SLC25A21: variants seen among roughly 807,000 people sequenced by gnomAD.
The protein encoded by SLC25A21 is mitochondrial 2-oxodicarboxylate carrier.
SLC25A21 carries 47 observed loss-of-function variants against 43.8 expected under a neutral mutation model. The observed-to-expected ratio is 1.07, with a 90% CI of 0.85 to 1.37. The LOEUF is 1.37. Among genes scored for constraint, SLC25A21 ranks in the 40% most tolerant of loss-of-function variants. SLC25A21 has a pLI of 0.00. For synonymous variants in SLC25A21, 131 were observed against 121.3 expected (o/e 1.08, Z -0.52); for missense variants, 352 against 350.2 (o/e 1.00, Z -0.04).
At chr14:37,134,877 G>C (rs1045064939) in intron 1 of SLC25A21, among the ~76,000 whole-genome samples, 6 of 151,452 alleles carry the variant, frequency 4.0e-5, no homozygotes, top group African/African-American at 1.5e-4. Flanking sequence ...AGGATCACTT[G>C]AGTCCAGGAG....
intron 1 of SLC25A21, among the ~76,000 whole-genome samples, chr14:36,915,058 T>C (rs1021560276): frequency 6.6e-6 from 1 of 152,100 alleles, no homozygotes; most frequent in African/African-American, 2.4e-5. Context: ...ATCACAATGA[T>C]GCAAGCTAAC....
At chr14:36,936,687 G>T (rs189383491) in intron 1 of SLC25A21, among the ~76,000 whole-genome samples, 284 of 152,178 alleles carry the variant, frequency 1.9e-3, no homozygotes, top group Non-Finnish European at 2.6e-3. Context: ...TGCCAAGAAC[G>T]GTAATATAAG....
intron 1 of SLC25A21, among the ~76,000 whole-genome samples, chr14:36,921,718 A>C (rs1891985705): frequency 6.6e-6 from 1 of 152,178 alleles, no homozygotes; most frequent in Admixed American, 6.6e-5. Context: ...CAGGCTTCCA[A>C]GGTGCTGATT....
At chr14:37,062,385 T>C (rs1470317708) in intron 1 of SLC25A21, among the ~76,000 whole-genome samples, 2 of 152,162 alleles carry the variant, frequency 1.3e-5, no homozygotes, top group African/African-American at 4.8e-5. Flanking sequence ...GAGATTGTAA[T>C]TCTAGCTGTG....
intron 2 of SLC25A21, among the ~76,000 whole-genome samples, chr14:36,847,095 CT>C (rs1358203522): frequency 6.6e-6 from 1 of 152,128 alleles, no homozygotes; most frequent in Non-Finnish European, 1.5e-5. Flanking sequence ...CTGTTGGGGT[CT>C]TTTGTAACAT....
At chr14:36,700,385 T>A (rs1883226627) in intron 7 of SLC25A21, among the ~76,000 whole-genome samples, 1 of 152,194 alleles carries the variant, frequency 6.6e-6, no homozygotes. Flanking sequence ...GTATTCTGTT[T>A]AGATCTGACA....
At position 36,702,728 on chromosome 14, in the gene SLC25A21, C is replaced by T. The variant is rs373602559; in HGVS notation, c.603+8590G>A. ...AAGAGAGGAGCAATGCTGATGCTTC[C>T]TAAGAGGGTGCCCAACATACAGTAG... On this transcript the variant is annotated intron_variant, in intron 7 of 9. Transcript: ENST00000331299. 6.6e-5 allele frequency among the ~76,000 whole-genome samples: 10 copies of T among 152,234 alleles called. No homozygotes were observed. The South Asian group carries it at 1.5e-3, about 22-fold the overall frequency.
At chr14:37,080,551 G>A (rs2093087) in intron 1 of SLC25A21, among the ~76,000 whole-genome samples, 6,638 of 152,280 alleles carry the variant, frequency 0.044, 479 homozygotes, top group African/African-American at 0.15. Flanking sequence ...AGTGAGCCAT[G>A]ATCGTGCCAC....
intron 1 of SLC25A21, among the ~76,000 whole-genome samples, chr14:36,970,423 C>A (rs1319639066): frequency 6.6e-6 from 1 of 152,050 alleles, no homozygotes; most frequent in Non-Finnish European, 1.5e-5. Context: ...CATGTATACA[C>A]CTTTAGGCCA....
chr14:37,001,387 G>C (rs1439550548), intron 1 of SLC25A21, among the ~76,000 whole-genome samples: 1 of 152,142 alleles, frequency 6.6e-6, no homozygotes, highest in Non-Finnish European at 1.5e-5. Context: ...GCCCAGAGAA[G>C]TTAAATAGTT....
intron 1 of SLC25A21, among the ~76,000 whole-genome samples, chr14:37,154,342 C>G (rs184561563): frequency 6.6e-6 from 1 of 152,150 alleles, no homozygotes. Context: ...CCCTACCTAA[C>G]AAACACTAAA....
intron 1 of SLC25A21, among the ~76,000 whole-genome samples, chr14:36,902,407 C>T (rs1306122982): frequency 6.6e-6 from 1 of 151,528 alleles, no homozygotes; most frequent in African/African-American, 2.4e-5. Flanking sequence ...CTCAACTGTG[C>T]CATTCTCTAA....
chr14:36,848,452 C>G (rs1267456210), intron 2 of SLC25A21, among the ~76,000 whole-genome samples: 1 of 152,132 alleles, frequency 6.6e-6, no homozygotes, highest in African/African-American at 2.4e-5. Flanking sequence ...CTCAGCTGTC[C>G]AACAGCTGTC....
intron 1 of SLC25A21, among the ~76,000 whole-genome samples, chr14:37,086,236 T>C (rs543592702): frequency 6.6e-6 from 1 of 152,304 alleles, no homozygotes; most frequent in South Asian, 2.1e-4. Context: ...AACTCTGTTA[T>C]AATATGGTTC....
chr14:36,757,504 C>T (rs1361626379), intron 3 of SLC25A21, among the ~76,000 whole-genome samples: 3 of 152,124 alleles, frequency 2.0e-5, no homozygotes, highest in Non-Finnish European at 4.4e-5. Flanking sequence ...ACACATAGAT[C>T]GATTTATCAA....
At chr14:36,714,692 A>T (rs1484175708) in intron 6 of SLC25A21, among the ~76,000 whole-genome samples, 1 of 152,244 alleles carries the variant, frequency 6.6e-6, no homozygotes, top group Non-Finnish European at 1.5e-5. Context: ...ACCTTTAGCC[A>T]TTATCATACG....
chr14:37,155,213 G>A (rs1963828192), intron 1 of SLC25A21, among the ~76,000 whole-genome samples: 1 of 152,122 alleles, frequency 6.6e-6, no homozygotes, highest in African/African-American at 2.4e-5. Flanking sequence ...TGGACTACAG[G>A]TGTTTGCCAC....
At chr14:37,072,996 G>C (rs546081071) in intron 1 of SLC25A21, among the ~76,000 whole-genome samples, 1 of 152,082 alleles carries the variant, frequency 6.6e-6, no homozygotes. Context: ...TCTTTATCTT[G>C]GTTCCTAGAT....
chr14:36,849,963 G>A (rs1028779054), intron 2 of SLC25A21, among the ~76,000 whole-genome samples: 4 of 152,114 alleles, frequency 2.6e-5, no homozygotes, highest in Non-Finnish European at 5.9e-5. Flanking sequence ...AGTCCCTGGG[G>A]ATCAAGTGAA....
Sources: allele counts gnomAD v4.1 joint callset (sites outside exome capture counted in the v4.1 genomes callset), GRCh38; gene constraint gnomAD v4.1.1; transcripts MANE v1.5; gene names NCBI Gene and HGNC (gene_info 2026-07-23, HGNC 2026-07-21).